The following WASL variants were observed in gnomAD, a reference collection of about 807,000 sequenced individuals.
WASL encodes the protein actin nucleation-promoting factor WASL.
Under a neutral mutation model 55.5 loss-of-function variants are expected in WASL, and 20 were observed. The ratio of observed to expected loss-of-function variants is 0.36; its 90% CI spans 0.25 to 0.52. The LOEUF (loss-of-function observed/expected upper bound fraction) is 0.52. Ranked by LOEUF, WASL falls within the 20% of genes least tolerant of loss-of-function variation. The pLI, the probability that WASL is intolerant of heterozygous loss-of-function variation, is 0.92. For missense variants in WASL, 504 were observed against 622.5 expected, an observed-to-expected ratio of 0.81 and a Z score of 2.03; for synonymous variants, 249 against 217.6, an observed-to-expected ratio of 1.14 and a Z score of -1.27.
At chr7:123,695,419 A>G (rs2116773267) in intron 7 of WASL, among the ~76,000 whole-genome samples, 1 of 152,290 alleles carries the variant, frequency 6.6e-6, no homozygotes, top group African/African-American at 2.4e-5. Context: ...CTATAAAACA[A>G]CGGCAAAACT....
At chr7:123,701,338 T>C (rs1803586236) in intron 5 of WASL, among the ~76,000 whole-genome samples, 2 of 152,314 alleles carry the variant, frequency 1.3e-5, no homozygotes, top group South Asian at 2.1e-4. Flanking sequence ...TGAACAGACA[T>C]GTCTAGTTAA....
At chr7:123,716,968 A>C (rs1803854448) in intron 1 of WASL, among the ~76,000 whole-genome samples, 1 of 152,170 alleles carries the variant, frequency 6.6e-6, no homozygotes, top group South Asian at 2.1e-4. Flanking sequence ...TCTATACTCA[A>C]CATACACTAC....
rs188194801 is a variant in WASL, at chr7:123,719,269, G to C, written c.118-10046C>G. Among the ~76,000 whole-genome samples, 3 of 152,242 alleles carry C rather than the reference G, an allele frequency of 2.0e-5. No individual in the cohort carries two copies. In the East Asian group the frequency reaches 5.8e-4, roughly 30 times the overall value. On this transcript the variant is annotated intron_variant, in intron 1 of 10. Coordinates refer to ENST00000223023, the MANE Select transcript of WASL (RefSeq NM_003941.4). ...GCAGCCTCATTGTCATCTACCACAT[G>C]ATATGCTGAAGTCACATGGGACTGT...
intron 1 of WASL, among the ~76,000 whole-genome samples, chr7:123,715,997 G>A (rs1159172287): frequency 6.6e-6 from 1 of 152,156 alleles, no homozygotes; most frequent in Non-Finnish European, 1.5e-5. Flanking sequence ...TAAAAGGGCA[G>A]CTCATAGGTG....
At chr7:123,715,429 T>C (rs2402671) in intron 1 of WASL, among the ~76,000 whole-genome samples, 113,834 of 152,102 alleles carry the variant, frequency 0.75, 42,915 homozygotes, top group South Asian at 0.83. Flanking sequence ...AATGAGAAAT[T>C]TGTTGATACT....
intron 1 of WASL, among the ~76,000 whole-genome samples, chr7:123,733,268 A>C (rs1288494703): frequency 6.6e-6 from 1 of 152,226 alleles, no homozygotes; most frequent in Non-Finnish European, 1.5e-5. Flanking sequence ...GAATCAAAGA[A>C]ACAAAAAATT....
intron 1 of WASL, among the ~76,000 whole-genome samples, chr7:123,721,875 A>G (rs993086349): frequency 5.2e-5 from 6 of 115,044 alleles, no homozygotes; most frequent in Non-Finnish European, 9.6e-5. Flanking sequence ...GCTGCGATTG[A>G]GATTTAATAA....
At chr7:123,713,458 T>C (rs1490758215) in intron 1 of WASL, among the ~76,000 whole-genome samples, 3 of 152,172 alleles carry the variant, frequency 2.0e-5, no homozygotes, top group Admixed American at 6.6e-5. Context: ...TGGCCAAATA[T>C]ATATTTTCAA....
chr7:123,738,109 T>C (rs2116823599), intron 1 of WASL, among the ~76,000 whole-genome samples: 1 of 152,216 alleles, frequency 6.6e-6, no homozygotes, highest in Admixed American at 6.5e-5. Flanking sequence ...AATTGAACAA[T>C]AAGATGTTTT....
chr7:123,731,358 A>G (rs776481006), intron 1 of WASL, among the ~76,000 whole-genome samples: 4 of 152,186 alleles, frequency 2.6e-5, no homozygotes, highest in Non-Finnish European at 4.4e-5. Flanking sequence ...TAGATCCTCT[A>G]TTTTACTTAG....
intron 1 of WASL, among the ~76,000 whole-genome samples, chr7:123,718,977 A>G (rs1803891826): frequency 2.0e-5 from 3 of 152,214 alleles, no homozygotes; most frequent in Admixed American, 2.0e-4. Flanking sequence ...GAAGGTATAT[A>G]CCACATCCTC....
At chr7:123,726,350 C>CT (rs1364616209) in intron 1 of WASL, among the ~76,000 whole-genome samples, 1 of 152,058 alleles carries the variant, frequency 6.6e-6, no homozygotes, top group Admixed American at 6.6e-5. Context: ...CTCATATGAC[C>CT]TTTTTTGCAC....
intron 1 of WASL, among the ~76,000 whole-genome samples, chr7:123,744,877 C>T (rs1804405859): frequency 6.6e-6 from 1 of 151,964 alleles, no homozygotes; most frequent in African/African-American, 2.4e-5. Context: ...ATAATACTAC[C>T]AGCTAATGAA....
At chr7:123,741,910 C>G (rs1804349138) in intron 1 of WASL, among the ~76,000 whole-genome samples, 1 of 152,168 alleles carries the variant, frequency 6.6e-6, no homozygotes, top group Admixed American at 6.5e-5. Flanking sequence ...TCCTGAATGT[C>G]CTAATCAAAC....
intron 1 of WASL, among the ~76,000 whole-genome samples, chr7:123,721,763 T>C (rs1459396555): frequency 1.3e-5 from 2 of 151,930 alleles, no homozygotes; most frequent in African/African-American, 2.4e-5. Flanking sequence ...AAACACAAAA[T>C]TTGGTCAGGC....
chr7:123,736,224 C>G (rs1483947184), intron 1 of WASL, among the ~76,000 whole-genome samples: 1 of 151,988 alleles, frequency 6.6e-6, no homozygotes, highest in Non-Finnish European at 1.5e-5. Context: ...TAAGTTATAT[C>G]AACCTGAAAG....
At chr7:123,699,792 T>C (rs1263508336) in intron 5 of WASL, among the ~76,000 whole-genome samples, 1 of 152,152 alleles carries the variant, frequency 6.6e-6, no homozygotes. Flanking sequence ...TTCCCCTCTT[T>C]CTCTACCCAA....
intron 1 of WASL, among the ~76,000 whole-genome samples, chr7:123,744,102 T>C (rs1804391606): frequency 1.3e-5 from 2 of 152,214 alleles, no homozygotes; most frequent in Non-Finnish European, 2.9e-5. Context: ...ATCAATACAA[T>C]GATCCCTCTA....
At chr7:123,712,388 G>A (rs1803772545) in intron 1 of WASL, among the ~76,000 whole-genome samples, 1 of 152,066 alleles carries the variant, frequency 6.6e-6, no homozygotes, top group Admixed American at 6.6e-5. Flanking sequence ...TTCTGATTTT[G>A]ATAATGATAC....
Sources: gnomAD v4.1 joint callset for allele counts (sites outside exome capture counted in the v4.1 genomes callset) on GRCh38, gnomAD v4.1.1 for gene constraint, MANE v1.5 for transcripts, NCBI Gene and HGNC (gene_info 2026-07-23, HGNC 2026-07-21) for gene names.